FBXL7: variants seen among roughly 807,000 people sequenced by gnomAD.
FBXL7 encodes F-box/LRR-repeat protein 7.
In FBXL7, 12 loss-of-function variants were observed where a neutral mutation model predicts 38.3. The observed-to-expected ratio is 0.31, with a 90% confidence interval of 0.20 to 0.51. The LOEUF is 0.51. FBXL7 is among the 20% of genes least tolerant of loss of function. The pLI is 0.98. For synonymous variants in FBXL7, 297 were observed against 300.9 expected, an observed-to-expected ratio of 0.99 and a Z score of 0.13; for missense variants, 567 against 676.4, an observed-to-expected ratio of 0.84 and a Z score of 1.79.
At chr5:15,850,490 C>T (rs1046214028) in intron 2 of FBXL7, among the ~76,000 whole-genome samples, 5 of 152,168 alleles carry the variant, frequency 3.3e-5, no homozygotes, top group African/African-American at 1.2e-4. Flanking sequence ...GCCACATAAA[C>T]TATGACTTTA....
chr5:15,594,793 C>A (rs1739577542), intron 1 of FBXL7, among the ~76,000 whole-genome samples: 1 of 152,192 alleles, frequency 6.6e-6, no homozygotes, highest in African/African-American at 2.4e-5. Context: ...ATCAGAATGA[C>A]CTCTCTTCTT....
chr5:15,568,124 G>T (rs1399912015), intron 1 of FBXL7, among the ~76,000 whole-genome samples: 125 of 152,162 alleles, frequency 8.2e-4, no homozygotes, highest in African/African-American at 2.7e-3. Context: ...TAATGGGATT[G>T]CTGGGTCAAA....
At chr5:15,551,920 G>C (rs1738085181) in intron 1 of FBXL7, among the ~76,000 whole-genome samples, 1 of 152,106 alleles carries the variant, frequency 6.6e-6, no homozygotes, top group Non-Finnish European at 1.5e-5. Flanking sequence ...ATTCTCCTCT[G>C]TCGTCTTGTT....
chr5:15,592,787 G>T (rs1421445873), intron 1 of FBXL7, among the ~76,000 whole-genome samples: 1 of 152,120 alleles, frequency 6.6e-6, no homozygotes, highest in Admixed American at 6.6e-5. Flanking sequence ...ACAGAGAAAA[G>T]AAGTTTTATT....
At chr5:15,884,873 G>GTATA (rs1290579199) in intron 2 of FBXL7, among the ~76,000 whole-genome samples, 1 of 152,186 alleles carries the variant, frequency 6.6e-6, no homozygotes. Context: ...AATAAGCTGT[G>GTATA]TATATGTGTG....
chr5:15,938,307 A>G lies in FBXL7; in HGVS notation c.*1121A>G, dbSNP rs1393569201. 1 of 152,176 alleles carries G rather than the reference A, an allele frequency of 6.6e-6. No homozygotes were observed. Among genetic ancestry groups the G allele is most frequent in the African/African-American group, 2.4e-5 (1 of 41,426 alleles). The allele number at this position is 152,176 out of a possible 1,614,324, so 9.4% of individuals were successfully genotyped here. On this transcript the variant is annotated 3_prime_UTR_variant, in exon 4 of 4. Coordinates refer to ENST00000504595, the MANE Select transcript of FBXL7 (RefSeq NM_012304.5). Reference sequence around the variant, plus strand: ...AGGCCCTTGCAATTTTTAATTAACAAGCAAGGCCCAAGGGAACACATGTCC... The same window carrying G: ...AGGCCCTTGCAATTTTTAATTAACAGGCAAGGCCCAAGGGAACACATGTCC...
chr5:15,515,902 G>A (rs924941685), intron 1 of FBXL7, among the ~76,000 whole-genome samples: 1 of 152,076 alleles, frequency 6.6e-6, no homozygotes. Context: ...TATAAGCTCA[G>A]AATCACTATG....
At chr5:15,606,941 A>G (rs901823005) in intron 1 of FBXL7, 4 of 152,206 alleles carry the variant, frequency 2.6e-5, no homozygotes, top group African/African-American at 9.7e-5. Flanking sequence ...AGTTTCTTCC[A>G]AAAACTAATA....
intron 2 of FBXL7, among the ~76,000 whole-genome samples, chr5:15,674,661 A>G (rs1412022849): frequency 1.3e-5 from 2 of 152,216 alleles, no homozygotes; most frequent in African/African-American, 4.8e-5. Flanking sequence ...GACAATTACT[A>G]AATTTAGAGC....
chr5:15,722,488 G>GT lies in FBXL7; in HGVS notation c.127+106420dup, dbSNP rs147050302. ...CACACAGTAATTGCATAATTTGGCT[G>GT]TTTTGGCAGGGCATTCCAGGGTTCC... On this transcript the variant is annotated intron_variant, in intron 2 of 3. Coordinates refer to ENST00000504595, the MANE Select transcript of FBXL7 (RefSeq NM_012304.5). 7.1e-3 allele frequency among the ~76,000 whole-genome samples: 1,085 copies of GT among 152,300 alleles called. 11 individuals are homozygous for GT. The highest frequency in any genetic ancestry group is 0.025 in the African/African-American group (1,024 of 41,558).
Position 15,918,137 on chromosome 5 carries a change from G to A in FBXL7, c.128-9753G>A, listed in dbSNP as rs978095696. Among the ~76,000 whole-genome samples the A allele has an allele frequency of 7.2e-5, 11 of 152,118 alleles. 1 individual carries two copies. Among genetic ancestry groups the A allele is most frequent in the African/African-American group, 2.7e-4 (11 of 41,416 alleles). On this transcript the variant is annotated intron_variant, in intron 2 of 3. Transcript: ENST00000504595. The stretch of plus-strand genomic sequence containing the variant: ...GCCTATAATCCCAGCTACTCAGGAG[G>A]CTGAGGCAGGAGAATCACTAGAACC...
intron 1 of FBXL7, among the ~76,000 whole-genome samples, chr5:15,553,598 T>A (rs182279894): frequency 2.0e-5 from 3 of 152,336 alleles, no homozygotes; most frequent in African/African-American, 7.2e-5. Context: ...TAGGTCTTCA[T>A]TAACAAATGA....
chr5:15,595,257 G>T (rs1050113660), intron 1 of FBXL7, among the ~76,000 whole-genome samples: 7 of 152,186 alleles, frequency 4.6e-5, no homozygotes, highest in Non-Finnish European at 8.8e-5. Flanking sequence ...ATTCCAAGTG[G>T]GGAAGGGATC....
chr5:15,863,960 CT>C (rs1407219906), intron 2 of FBXL7, among the ~76,000 whole-genome samples: 1 of 152,050 alleles, frequency 6.6e-6, no homozygotes, highest in Admixed American at 6.5e-5. Context: ...TTCCCTATCA[CT>C]GATAGTCTAT....
intron 1 of FBXL7, among the ~76,000 whole-genome samples, chr5:15,541,879 C>T (rs1375661991): frequency 6.6e-6 from 1 of 151,956 alleles, no homozygotes; most frequent in Non-Finnish European, 1.5e-5. Flanking sequence ...TTGTCATTAC[C>T]TTCTGGTTTA....
At chr5:15,913,919 G>T (rs575856437) in intron 2 of FBXL7, among the ~76,000 whole-genome samples, 2 of 152,088 alleles carry the variant, frequency 1.3e-5, no homozygotes, top group African/African-American at 2.4e-5. Flanking sequence ...CAGTTGATGC[G>T]TGACTTAGTT....
intron 2 of FBXL7, among the ~76,000 whole-genome samples, chr5:15,708,826 GAA>G (rs1241529583): frequency 6.6e-6 from 1 of 152,098 alleles, no homozygotes; most frequent in Non-Finnish European, 1.5e-5. Flanking sequence ...TTTGTGGAAT[GAA>G]AAAAGTGCTC....
intron 2 of FBXL7, among the ~76,000 whole-genome samples, chr5:15,685,187 A>C (rs1297962406): frequency 2.6e-5 from 4 of 152,218 alleles, no homozygotes; most frequent in African/African-American, 9.6e-5. Context: ...TCATGAATGT[A>C]GTTGGGGCAA....
chr5:15,896,024 T>A (rs1310797742), intron 2 of FBXL7, among the ~76,000 whole-genome samples: 1 of 149,840 alleles, frequency 6.7e-6, no homozygotes, highest in Non-Finnish European at 1.5e-5. Context: ...AATGACTGAG[T>A]CTACTTTTTT....
Sources: allele counts gnomAD v4.1 joint callset (sites outside exome capture counted in the v4.1 genomes callset), GRCh38; gene constraint gnomAD v4.1.1; transcripts MANE v1.5; gene names NCBI Gene and HGNC (gene_info 2026-07-23, HGNC 2026-07-21).